Variants in SUPT3H observed in about 807,000 individuals in gnomAD.
SUPT3H encodes transcription initiation protein SPT3 homolog.
SUPT3H carries 44 observed loss-of-function variants against 44.3 expected under a neutral mutation model. That is an observed-to-expected ratio of 0.99 (90% CI 0.78 to 1.28). The LOEUF is 1.28. SUPT3H is among the 50% of genes most tolerant of loss of function. The pLI is 0.00. For synonymous variants in SUPT3H, 124 were observed against 125.6 expected (o/e 0.99, Z 0.09); for missense variants, 380 against 387.1 (o/e 0.98, Z 0.15).
chr6:45,062,916 G>T (rs904012269), intron 3 of SUPT3H, among the ~76,000 whole-genome samples: 3 of 151,972 alleles, frequency 2.0e-5, no homozygotes, highest in Non-Finnish European at 4.4e-5. Flanking sequence ...GCTTGCTTAG[G>T]TAAACAAAGC....
chr6:45,169,211 A>C (rs1477795695), intron 2 of SUPT3H, among the ~76,000 whole-genome samples: 1 of 152,232 alleles, frequency 6.6e-6, no homozygotes, highest in Non-Finnish European at 1.5e-5. Flanking sequence ...TAGTGGTATA[A>C]TTTGGTCTCA....
intron 3 of SUPT3H, among the ~76,000 whole-genome samples, chr6:45,096,931 T>C (rs929336571): frequency 1.3e-5 from 2 of 152,156 alleles, no homozygotes; most frequent in East Asian, 1.9e-4. Context: ...AAATAGTCCA[T>C]AGTCCCAAAA....
intron 2 of SUPT3H, among the ~76,000 whole-genome samples, chr6:45,147,566 T>C (rs2066163250): frequency 6.6e-6 from 1 of 151,860 alleles, no homozygotes; most frequent in African/African-American, 2.4e-5. Flanking sequence ...AAAGGAAGGG[T>C]ATAAGGGACC....
intron 9 of SUPT3H, among the ~76,000 whole-genome samples, chr6:44,942,205 T>C (rs1029620449): frequency 6.6e-6 from 1 of 152,192 alleles, no homozygotes; most frequent in East Asian, 1.9e-4. Flanking sequence ...TGAAGAGGTC[T>C]TTTAGGTAAG....
intron 10 of SUPT3H, among the ~76,000 whole-genome samples, chr6:44,925,253 G>T (rs964629468): frequency 2.6e-5 from 4 of 152,138 alleles, no homozygotes; most frequent in African/African-American, 9.7e-5. Flanking sequence ...CTTGCAAAGT[G>T]TCTTTGGGTA....
At chr6:45,012,656 A>C (rs1322983520) in intron 5 of SUPT3H, among the ~76,000 whole-genome samples, 1 of 151,988 alleles carries the variant, frequency 6.6e-6, no homozygotes, top group Non-Finnish European at 1.5e-5. Flanking sequence ...CTGGGCCCCC[A>C]AAAAGCAGTT....
At chr6:45,150,427 AATAT>A (rs1465139834) in intron 2 of SUPT3H, among the ~76,000 whole-genome samples, 4 of 152,168 alleles carry the variant, frequency 2.6e-5, no homozygotes. Context: ...GAAATACACA[AATAT>A]ATAAATACTT....
intron 9 of SUPT3H, among the ~76,000 whole-genome samples, chr6:44,935,177 T>C (rs555763404): frequency 6.6e-6 from 1 of 152,086 alleles, no homozygotes; most frequent in Non-Finnish European, 1.5e-5. Context: ...TTTTTTTTTT[T>C]CCACCTCAAC....
chr6:44,954,638 T>C, intron 7 of SUPT3H, 31 bp from the exon 8 acceptor site: 1 of 1,385,836 alleles, frequency 7.2e-7, no homozygotes, highest in South Asian at 1.2e-5. Flanking sequence ...AGTGCAGAAA[T>C]TTTAATTTTT....
At chr6:44,952,822 A>G (rs1179886286) in intron 9 of SUPT3H, among the ~76,000 whole-genome samples, 1 of 152,228 alleles carries the variant, frequency 6.6e-6, no homozygotes, top group East Asian at 1.9e-4. Flanking sequence ...TAATTTTCAC[A>G]TAGTAGGGGC....
chr6:44,956,980 A>C (rs1410107062), intron 7 of SUPT3H, among the ~76,000 whole-genome samples: 1 of 152,186 alleles, frequency 6.6e-6, no homozygotes, highest in Admixed American at 6.5e-5. Flanking sequence ...CGCGTATGTA[A>C]CCTTTAGTTA....
intron 10 of SUPT3H, among the ~76,000 whole-genome samples, chr6:44,864,143 T>A (rs1368376359): frequency 6.6e-6 from 1 of 152,138 alleles, no homozygotes; most frequent in Non-Finnish European, 1.5e-5. Context: ...CAGCATTAAC[T>A]CAAAGTCCAT....
intron 6 of SUPT3H, among the ~76,000 whole-genome samples, chr6:44,988,058 T>C (rs1780062985): frequency 6.6e-6 from 1 of 152,096 alleles, no homozygotes; most frequent in Non-Finnish European, 1.5e-5. Context: ...TACTGAGGAA[T>C]AGACATAATA....
chr6:45,223,025 T>A (rs561495526), intron 2 of SUPT3H, among the ~76,000 whole-genome samples: 1 of 152,010 alleles, frequency 6.6e-6, no homozygotes, highest in African/African-American at 2.4e-5. Flanking sequence ...GTGTTTGCCA[T>A]GGGATAGGGA....
At chr6:45,115,639 G>A (rs867113216) in intron 2 of SUPT3H, among the ~76,000 whole-genome samples, 13 of 152,044 alleles carry the variant, frequency 8.6e-5, no homozygotes, top group Admixed American at 6.5e-4. Context: ...TTTAGTGAGA[G>A]GATTCCAAAT....
At chr6:45,309,342 G>A (rs1017461596) in intron 2 of SUPT3H, among the ~76,000 whole-genome samples, 7 of 151,102 alleles carry the variant, frequency 4.6e-5, no homozygotes, top group Admixed American at 3.9e-4. Flanking sequence ...TTCCAAAGCC[G>A]AAAAACACGA....
intron 6 of SUPT3H, among the ~76,000 whole-genome samples, chr6:44,997,269 C>G (rs199597786): frequency 6.6e-6 from 1 of 151,740 alleles, no homozygotes; most frequent in East Asian, 1.9e-4. Flanking sequence ...AACAACTGAG[C>G]TATTTACAAC....
At chr6:44,878,854 C>T (rs1413311134) in intron 10 of SUPT3H, among the ~76,000 whole-genome samples, 1 of 152,046 alleles carries the variant, frequency 6.6e-6, no homozygotes, top group African/African-American at 2.4e-5. Flanking sequence ...CAAGGGAAGC[C>T]GTGAGGGACC....
chr6:44,986,880 C>T (rs781583638), intron 6 of SUPT3H, among the ~76,000 whole-genome samples: 7 of 151,934 alleles, frequency 4.6e-5, no homozygotes. Context: ...ATGATAAGTG[C>T]CATGAATAAT....
Sources: allele counts gnomAD v4.1 joint callset (sites outside exome capture counted in the v4.1 genomes callset), GRCh38; gene constraint gnomAD v4.1.1; transcripts MANE v1.5; gene names NCBI Gene and HGNC (gene_info 2026-07-23, HGNC 2026-07-21).